Variants in ABCB11 observed in about 807,000 individuals in gnomAD.
ABCB11 encodes bile salt export pump.
Under a neutral mutation model 148.0 loss-of-function variants are expected in ABCB11, and 95 were observed. That is an observed-to-expected ratio of 0.64 (90% CI 0.54 to 0.76). ABCB11 has a LOEUF of 0.76. ABCB11 is among the 30% of genes least tolerant of loss of function. The pLI is 0.00. For synonymous variants in ABCB11, 591 were observed against 555.4 expected, an observed-to-expected ratio of 1.06 and a Z score of -0.90; for missense variants, 1,523 against 1,617.8, an observed-to-expected ratio of 0.94 and a Z score of 1.01.
At chr2:168,934,018 G>C (rs1048218781) in intron 23 of ABCB11, among the ~76,000 whole-genome samples, 1 of 152,096 alleles carries the variant, frequency 6.6e-6, no homozygotes, top group Non-Finnish European at 1.5e-5. Context: ...CTGAGGTGCT[G>C]AGATTACAGG....
intron 21 of ABCB11, 134 bp from the exon 22 acceptor site, chr2:168,936,567 T>C: frequency 2.5e-6 from 2 of 792,702 alleles, no homozygotes; most frequent in Non-Finnish European, 4.0e-6. Flanking sequence ...TTAACCATTC[T>C]TAAGTGTACA....
intron 19 of ABCB11, among the ~76,000 whole-genome samples, chr2:168,949,947 C>T (rs1692484402): frequency 6.6e-6 from 1 of 151,428 alleles, no homozygotes; most frequent in African/African-American, 2.4e-5. Flanking sequence ...ATCTTTCTCT[C>T]CTGCTGTATT....
chr2:168,944,872 G>T lies in ABCB11; in HGVS notation c.2433C>A (p.Phe811Leu). Reference sequence around the variant, plus strand: ...CATTTCTTACCTGTAGAAATTGGGTGAAAAGAGATACACAGCCCATTGCTA... The same window carrying T: ...CATTTCTTACCTGTAGAAATTGGGTTAAAAGAGATACACAGCCCATTGCTA... Reference protein sequence around the residue: ...LFVAMGCVSLFTQFLQGYAFA... With the variant: ...LFVAMGCVSLLTQFLQGYAFA... The change falls in exon 20 of 28, where the codon TTC (phenylalanine) becomes TTA (leucine). Residue 811 changes from phenylalanine to leucine, a missense_variant. By Grantham distance (22) the Phe-to-Leu change is conservative (BLOSUM62 0). Coordinates refer to ENST00000650372, the MANE Select transcript of ABCB11 (RefSeq NM_003742.4). 1.3e-6 allele frequency: 2 copies of T among 1,587,144 alleles called. No individual in the cohort carries two copies. Among genetic ancestry groups the T allele is most frequent in the Non-Finnish European group, 1.7e-6 (2 of 1,165,306 alleles).
At chr2:168,940,496 G>A (rs1416274686) in intron 21 of ABCB11, among the ~76,000 whole-genome samples, 1 of 152,062 alleles carries the variant, frequency 6.6e-6, no homozygotes, top group Non-Finnish European at 1.5e-5. Context: ...AAGGCTGAGA[G>A]AAGTGAGGAA....
intron 13 of ABCB11, among the ~76,000 whole-genome samples, chr2:168,972,775 G>A (rs1384562627): frequency 6.6e-6 from 1 of 152,026 alleles, no homozygotes; most frequent in African/African-American, 2.4e-5. Context: ...GCATCAAGGA[G>A]ATGCTGACAA....
intron 19 of ABCB11, among the ~76,000 whole-genome samples, chr2:168,950,417 C>T (rs554942241): frequency 8.8e-4 from 133 of 151,646 alleles, no homozygotes; most frequent in African/African-American, 3.1e-3. Flanking sequence ...TATAAGCATT[C>T]TTTTTTCTCC....
At position 168,992,964 on chromosome 2, in the gene ABCB11, T is replaced by TA. The variant is rs200604730; in HGVS notation, c.783+746dup. Among the ~76,000 whole-genome samples the TA allele has an allele frequency of 2.9e-4, 44 of 152,148 alleles. No homozygotes were observed. The East Asian group carries it at 6.6e-3, about 23-fold the overall frequency. On this transcript the variant is annotated intron_variant, in intron 8 of 27. Coordinates refer to ENST00000650372, the MANE Select transcript of ABCB11 (RefSeq NM_003742.4). ...TAGTATGCCTGATTCCATAACGTGC[T>TA]ATCTAATGTGGCTGCTCTAATAATA...
At chr2:168,989,482 A>G (rs1048298635) in intron 9 of ABCB11, among the ~76,000 whole-genome samples, 6 of 152,056 alleles carry the variant, frequency 3.9e-5, no homozygotes, top group African/African-American at 1.4e-4. Context: ...TCACTGGTCT[A>G]TGTGTCTGTT....
At chr2:168,939,287 A>G (rs1691963209) in intron 21 of ABCB11, among the ~76,000 whole-genome samples, 1 of 152,122 alleles carries the variant, frequency 6.6e-6, no homozygotes, top group Admixed American at 6.6e-5. Context: ...AATACTTGAA[A>G]AGCAACTCTA....
intron 5 of ABCB11, among the ~76,000 whole-genome samples, chr2:169,008,335 C>T (rs894260387): frequency 6.6e-6 from 1 of 152,156 alleles, no homozygotes; most frequent in Non-Finnish European, 1.5e-5. Context: ...GCTGACACTC[C>T]TCGGCTGTGG....
chr2:169,002,560 TAAAGAA>T (rs1363152100), intron 5 of ABCB11, among the ~76,000 whole-genome samples: 1 of 152,142 alleles, frequency 6.6e-6, no homozygotes, highest in African/African-American at 2.4e-5. Context: ...AATGAATGGA[TAAAGAA>T]AATGTGGTAC....
At position 169,013,308 on chromosome 2, in the gene ABCB11, G is replaced by A. The variant is rs1695248585; in HGVS notation, c.353C>T (p.Ser118Phe). The change falls in exon 5 of 28, where the codon TCC becomes TTC. Residue 118 changes from serine to phenylalanine, a missense_variant. Ser to Phe is a radical substitution (Grantham distance 155). Transcript: ENST00000650372. ...TCCATTTGTCATGTTCTGGTTGAGG[G>A]AACTGTTAGTCCATACAATGGTGTT... ...VNNTIVWTNS[S>F]LNQNMTNGTR... 1.2e-6 allele frequency: 2 copies of A among 1,613,370 alleles called. No individual in the cohort carries two copies. The highest frequency in any genetic ancestry group is 1.7e-6 in the Non-Finnish European group (2 of 1,179,524).
intron 16 of ABCB11, among the ~76,000 whole-genome samples, chr2:168,968,975 A>T (rs1693441164): frequency 6.6e-6 from 1 of 151,986 alleles, no homozygotes; most frequent in African/African-American, 2.4e-5. Context: ...AAGAAGGTGC[A>T]CTAGAACCTG....
intron 10 of ABCB11, among the ~76,000 whole-genome samples, chr2:168,980,879 A>T (rs565638141): frequency 1.3e-5 from 2 of 152,320 alleles, no homozygotes; most frequent in South Asian, 4.1e-4. Flanking sequence ...AAGGTAAGGA[A>T]GAGACAATGA....
At chr2:168,969,978 T>G in intron 15 of ABCB11, 67 bp downstream of exon 15, 1 of 808,464 alleles carries the variant, frequency 1.2e-6, no homozygotes, top group Non-Finnish European at 1.9e-6. Flanking sequence ...CACAAGGAGC[T>G]GCCTTTCCTG....
At chr2:168,953,554 C>T (rs149581985) in intron 19 of ABCB11, among the ~76,000 whole-genome samples, 97 of 150,548 alleles carry the variant, frequency 6.4e-4, no homozygotes, top group Non-Finnish European at 9.6e-4. Context: ...TATCTTTTTA[C>T]GCCCCATTAC....
chr2:168,978,800 C>A (rs1694026828), intron 11 of ABCB11, among the ~76,000 whole-genome samples: 1 of 152,086 alleles, frequency 6.6e-6, no homozygotes, highest in African/African-American at 2.4e-5. Context: ...CTCACTGCAG[C>A]CTCGGCCACC....
intron 1 of ABCB11, among the ~76,000 whole-genome samples, chr2:169,026,233 TTTTGTTTGTTTTC>T (rs1359669373): frequency 7.9e-5 from 12 of 152,320 alleles, no homozygotes; most frequent in South Asian, 6.2e-4. Context: ...CAGGGTGTTC[TTTTGTTTGTTTTC>T]TTTGTTTGTT....
chr2:169,006,260 T>G (rs1484670259), intron 5 of ABCB11, among the ~76,000 whole-genome samples: 1 of 152,214 alleles, frequency 6.6e-6, no homozygotes, highest in African/African-American at 2.4e-5. Flanking sequence ...TACATTGATG[T>G]AATATACCAT....
Sources: gnomAD v4.1 joint callset for allele counts (sites outside exome capture counted in the v4.1 genomes callset) on GRCh38, gnomAD v4.1.1 for gene constraint, MANE v1.5 for transcripts, NCBI Gene and HGNC (gene_info 2026-07-23, HGNC 2026-07-21) for gene names.